GYS1: variants seen among roughly 807,000 people sequenced by gnomAD.
GYS1 encodes the protein glycogen [starch] synthase, muscle.
GYS1 carries 60 observed loss-of-function variants against 89.1 expected under a neutral mutation model. The observed-to-expected ratio is 0.67, with a 90% CI of 0.55 to 0.84. The LOEUF is 0.84. Among genes scored for constraint, GYS1 ranks in the 40% least tolerant of loss-of-function variants. The probability of loss-of-function intolerance (pLI) is 0.00; values close to 1 mark genes in which losing one functional copy is unlikely to be tolerated. For synonymous variants in GYS1, 366 were observed against 401.7 expected (o/e 0.91, Z 1.06); for missense variants, 888 against 1,003.1 (o/e 0.89, Z 1.55).
rs940867222 is a variant in GYS1 at position 48,968,834 on chromosome 19, C to A, written c.*454G>T. On this transcript the variant is annotated 3_prime_UTR_variant, in exon 16 of 16. Transcript: ENST00000323798. ...GCCCCGGCTCTGGACTTGATCGCCC[C>A]ATTCGCAGGGACACCACGTGGTTTC... 6.5e-6 allele frequency: 3 copies of A among 458,876 alleles called. No individual in the cohort carries two copies. The highest frequency in any genetic ancestry group is 1.3e-5 in the Non-Finnish European group (3 of 230,306). The allele number at this position is 458,876 out of a possible 1,614,324, so 28.4% of individuals were successfully genotyped here.
intron 2 of GYS1, among the ~76,000 whole-genome samples, chr19:48,990,941 C>T (rs959501036): frequency 2.0e-5 from 3 of 152,218 alleles, no homozygotes; most frequent in African/African-American, 7.2e-5. Context: ...ATTACAGGCA[C>T]CCGCCACCAC....
chr19:48,988,683 C>T (rs973753285), intron 2 of GYS1, among the ~76,000 whole-genome samples: 12 of 152,118 alleles, frequency 7.9e-5, no homozygotes, highest in African/African-American at 2.7e-4. Flanking sequence ...GGTGCAATTA[C>T]GGTTCACTGA....
At chr19:48,972,863 T>C (rs1002854281) in intron 12 of GYS1, among the ~76,000 whole-genome samples, 1 of 152,180 alleles carries the variant, frequency 6.6e-6, no homozygotes. Context: ...CTGTCAGGCA[T>C]GGTGGGATGC....
chr19:48,982,234 C>T (rs755012615), intron 7 of GYS1, 21 bp downstream of exon 7: 1 of 1,612,418 alleles, frequency 6.2e-7, no homozygotes, highest in Non-Finnish European at 8.5e-7. Flanking sequence ...CCTCCCTGTC[C>T]CCTCATAGCC....
chr19:48,970,154 G>T, intron 14 of GYS1: 1 of 496,250 alleles, frequency 2.0e-6, no homozygotes. Flanking sequence ...ACACGGTCTT[G>T]TTCTGTTACT....
At chr19:48,984,966 G>A (rs2038819675) in intron 5 of GYS1, among the ~76,000 whole-genome samples, 1 of 152,190 alleles carries the variant, frequency 6.6e-6, no homozygotes, top group Non-Finnish European at 1.5e-5. Flanking sequence ...AAAGTGTTCT[G>A]GGCACATTTA....
chr19:48,982,569 C>A, intron 6 of GYS1, 151 bp downstream of exon 6: 1 of 852,582 alleles, frequency 1.2e-6, no homozygotes. Context: ...GCCCATTGTT[C>A]CAGCGCTCAA....
intron 2 of GYS1, among the ~76,000 whole-genome samples, chr19:48,989,690 G>T (rs931453206): frequency 6.6e-6 from 1 of 152,062 alleles, no homozygotes; most frequent in Non-Finnish European, 1.5e-5. Context: ...CTCCCAAAGT[G>T]CTGGGATTCC....
chr19:48,977,858 G>C lies in GYS1; in HGVS notation c.1308+66C>G. The C allele has an allele frequency of 4.1e-6, 5 of 1,206,204 alleles. No individual in the cohort carries two copies. The South Asian group carries it at 6.1e-5, about 15-fold the overall frequency. The allele number at this position is 1,206,204 out of a possible 1,614,324, so 74.7% of individuals were successfully genotyped here. A position where few individuals can be genotyped will look rare whatever the true frequency, so the allele number is the denominator to read the frequency against. On this transcript the variant is annotated intron_variant, in intron 10 of 15. Coordinates refer to ENST00000323798, the MANE Select transcript of GYS1 (RefSeq NM_002103.5). ...CCAGCAATCTCTGGGGTCTGAGCTG[G>C]CCTGGCAAGCTGCCTCTGGGGCTGC...
In GYS1 at chr19:48,969,484, T is replaced by TCGG. The variant is rs1000222027; in HGVS notation, c.2017_2018insCCG (p.Gly672_Glu673insAla). On this transcript the variant is annotated inframe_insertion, in exon 16 of 16. Coordinates refer to ENST00000323798, the MANE Select transcript of GYS1 (RefSeq NM_002103.5). ...GGCCTCCTCGTCCTCATCGTAGCGC[T>TCGG]CGCCGTCTTCCTCCAGCGGCCCGTT... 2.6e-6 allele frequency: 4 copies of TCGG among 1,544,960 alleles called. No individual in the cohort carries two copies. In the African/African-American group the frequency reaches 5.5e-5, roughly 21 times the overall value.
At position 48,993,002 on chromosome 19, in the gene GYS1, A is replaced by G. The variant is rs2038964332; in HGVS notation, c.111T>C (p.Ala37=). 6.3e-7 allele frequency: 1 copy of G among 1,594,654 alleles called. No homozygotes were observed. Among genetic ancestry groups the G allele is most frequent in the African/African-American group, 1.3e-5 (1 of 74,638 alleles). The change falls in exon 1 of 16, where the codon GCT becomes GCC. Residue 37 remains alanine, a synonymous_variant. Transcript: ENST00000323798. ...AVLFEVAWEV[A]NKVGGIYTVL... ...GACGCCTGGCGTGCTCACCCTTGTT[A>G]GCCACCTCCCAGGCCACTTCGAAGA...
At chr19:48,973,505 ATTTTTT>A (rs34032782) in intron 12 of GYS1, among the ~76,000 whole-genome samples, 2 of 120,616 alleles carry the variant, frequency 1.7e-5, no homozygotes, top group African/African-American at 3.2e-5. Context: ...TTTAGCTTTA[ATTTTTT>A]TTTTTTTTTT....
In GYS1 at chr19:48,969,810, C is replaced by G. The variant is rs5450; in HGVS notation, c.1855G>C (p.Glu619Gln). ...TCGTTGGGCTCGTAGGTGAAGTGCT[C>G]TGGAAAGGCCTTGGACAGCGCCATG... ...RHMALSKAFP[E>Q]HFTYEPNEAD... The change falls in exon 15 of 16, where the codon GAG (glutamate) becomes CAG (glutamine). Residue 619 changes from glutamate to glutamine, a missense_variant. Glu to Gln is a conservative substitution (Grantham distance 29). Transcript: ENST00000323798. The G allele has an allele frequency of 6.2e-7, 1 of 1,613,908 alleles. No individual in the cohort carries two copies. The highest frequency in any genetic ancestry group is 1.3e-5 in the African/African-American group (1 of 74,922).
intron 2 of GYS1, among the ~76,000 whole-genome samples, chr19:48,989,254 G>A (rs1033691332): frequency 1.3e-5 from 2 of 151,862 alleles, no homozygotes; most frequent in Non-Finnish European, 2.9e-5. Flanking sequence ...GGCCGAGGCG[G>A]GCGGATTGCC....
intron 5 of GYS1, among the ~76,000 whole-genome samples, chr19:48,985,201 A>G (rs2038822683): frequency 6.6e-6 from 1 of 152,002 alleles, no homozygotes; most frequent in South Asian, 2.1e-4. Flanking sequence ...ACAGGCACAC[A>G]CCATGTCTGG....
At chr19:48,979,399 G>A (rs1216892319) in intron 8 of GYS1, among the ~76,000 whole-genome samples, 3 of 112,068 alleles carry the variant, frequency 2.7e-5, no homozygotes, top group South Asian at 3.0e-4. Context: ...TTGCTCTGTC[G>A]CCCAGGATGG....
intron 3 of GYS1, among the ~76,000 whole-genome samples, 178 bp downstream of exon 3, chr19:48,987,016 G>C (rs2038852314): frequency 6.6e-6 from 1 of 152,190 alleles, no homozygotes; most frequent in Admixed American, 6.5e-5. Context: ...AAATGAAGTT[G>C]GCATCGAGAG....
chr19:48,970,364 T>C (rs1339162133), intron 14 of GYS1, 182 bp downstream of exon 14: 6 of 613,238 alleles, frequency 9.8e-6, no homozygotes, highest in Non-Finnish European at 1.7e-5. Flanking sequence ...ATGCGATCCT[T>C]CCTGTTAGGC....
chr19:48,976,122 T>C (rs2038646045), intron 10 of GYS1, among the ~76,000 whole-genome samples: 1 of 151,940 alleles, frequency 6.6e-6, no homozygotes, highest in African/African-American at 2.4e-5. Flanking sequence ...CTACTGAGTC[T>C]AGGGGCCCGA....
Sources: gnomAD v4.1 joint callset for allele counts (sites outside exome capture counted in the v4.1 genomes callset) on GRCh38, gnomAD v4.1.1 for gene constraint, MANE v1.5 for transcripts, NCBI Gene and HGNC (gene_info 2026-07-23, HGNC 2026-07-21) for gene names.